Variants in LHFPL6 observed in about 807,000 individuals in gnomAD.
LHFPL6 encodes LHFPL tetraspan subfamily member 6 protein.
A neutral mutation model predicts 20.6 loss-of-function variants in LHFPL6; 9 were observed. That is an observed-to-expected ratio of 0.44 (90% CI 0.26 to 0.76). The LOEUF is 0.76. Among genes scored for constraint, LHFPL6 ranks in the 30% least tolerant of loss-of-function variants. LHFPL6 has a pLI of 0.20. For synonymous variants in LHFPL6, 105 were observed against 98.7 expected (o/e 1.06, Z -0.38); for missense variants, 218 against 253.5 (o/e 0.86, Z 0.95).
chr13:39,522,724 A>G (rs1023854569), intron 2 of LHFPL6, among the ~76,000 whole-genome samples: 1 of 152,236 alleles, frequency 6.6e-6, no homozygotes, highest in African/African-American at 2.4e-5. Flanking sequence ...AATGATCTGT[A>G]TATTTGTTTG....
At chr13:39,555,519 ATTT>A (rs1871279947) in intron 2 of LHFPL6, among the ~76,000 whole-genome samples, 1 of 152,174 alleles carries the variant, frequency 6.6e-6, no homozygotes, top group Non-Finnish European at 1.5e-5. Flanking sequence ...CTGGGTCACT[ATTT>A]CCTCATCTGT....
chr13:39,441,246 A>G (rs1872124022), intron 2 of LHFPL6, among the ~76,000 whole-genome samples: 1 of 145,294 alleles, frequency 6.9e-6, no homozygotes, highest in Non-Finnish European at 1.5e-5. Flanking sequence ...TCTCCCTCCC[A>G]AAGTGTTGGT....
intron 2 of LHFPL6, among the ~76,000 whole-genome samples, chr13:39,510,390 G>A (rs1455946533): frequency 6.6e-6 from 1 of 152,230 alleles, no homozygotes; most frequent in Non-Finnish European, 1.5e-5. Context: ...GCAAACTGAG[G>A]TGGCGATGTC....
chr13:39,580,275 A>C (rs1872240498), intron 2 of LHFPL6, among the ~76,000 whole-genome samples: 1 of 152,162 alleles, frequency 6.6e-6, no homozygotes, highest in Non-Finnish European at 1.5e-5. Flanking sequence ...TTATGTGGTG[A>C]CAGGTGTTAA....
chr13:39,571,594 T>C (rs180880595), intron 2 of LHFPL6, among the ~76,000 whole-genome samples: 12 of 152,364 alleles, frequency 7.9e-5, no homozygotes, highest in Admixed American at 3.3e-4. Flanking sequence ...TCATTCTTCC[T>C]GGATGCCGGA....
At chr13:39,487,067 A>G (rs1009310444) in intron 2 of LHFPL6, among the ~76,000 whole-genome samples, 1 of 152,220 alleles carries the variant, frequency 6.6e-6, no homozygotes, top group Admixed American at 6.5e-5. Context: ...ACTCACTGAT[A>G]AATGAAATGT....
intron 2 of LHFPL6, among the ~76,000 whole-genome samples, chr13:39,474,220 A>T (rs1873022529): frequency 1.3e-5 from 2 of 152,244 alleles, no homozygotes. Flanking sequence ...ATGTTTAAGC[A>T]ATATCACTTT....
intron 2 of LHFPL6, among the ~76,000 whole-genome samples, chr13:39,435,022 G>C (rs1451421310): frequency 8.2e-6 from 1 of 122,376 alleles, no homozygotes; most frequent in Non-Finnish European, 1.6e-5. Flanking sequence ...CGCCACTGCA[G>C]TCCGCAGTCC....
At chr13:39,535,245 A>G (rs534663407) in intron 2 of LHFPL6, among the ~76,000 whole-genome samples, 144 of 152,376 alleles carry the variant, frequency 9.5e-4, no homozygotes, top group Non-Finnish European at 1.4e-3. Context: ...ACCTGAAGGT[A>G]GGACTTTAAC....
chr13:39,537,994 T>A (rs1593354385), intron 2 of LHFPL6, among the ~76,000 whole-genome samples: 1 of 5,270 alleles, frequency 1.9e-4, no homozygotes, highest in Admixed American at 2.6e-3. Flanking sequence ...CTTTCTTTCT[T>A]TTTTTTTTTT....
intron 2 of LHFPL6, among the ~76,000 whole-genome samples, chr13:39,571,058 A>G (rs1314408874): frequency 6.6e-6 from 1 of 152,230 alleles, no homozygotes; most frequent in African/African-American, 2.4e-5. Context: ...ATTTTAGGCA[A>G]GCTTATTCTT....
intron 2 of LHFPL6, among the ~76,000 whole-genome samples, chr13:39,467,915 G>A (rs78131378): frequency 0.022 from 3,405 of 152,178 alleles, 129 homozygotes; most frequent in African/African-American, 0.077. Flanking sequence ...TCACTTTCCC[G>A]TGATTTTTCC....
At chr13:39,469,477 TG>T (rs1393538446) in intron 2 of LHFPL6, among the ~76,000 whole-genome samples, 1 of 152,202 alleles carries the variant, frequency 6.6e-6, no homozygotes, top group Non-Finnish European at 1.5e-5. Flanking sequence ...GCAGCTCCCC[TG>T]ATGCTTTACA....
intron 2 of LHFPL6, among the ~76,000 whole-genome samples, chr13:39,562,433 T>TATATATAC (rs1566142017): frequency 9.7e-4 from 84 of 86,300 alleles, no homozygotes; most frequent in African/African-American, 2.3e-3. Context: ...CATATATACA[T>TATATATAC]ATATACATAT....
chr13:39,590,672 C>T (rs760434832), intron 2 of LHFPL6, among the ~76,000 whole-genome samples: 7 of 152,054 alleles, frequency 4.6e-5, no homozygotes, highest in Non-Finnish European at 7.4e-5. Context: ...ATGCATCTCA[C>T]GATATTTACA....
chr13:39,593,887 T>C (rs1199412731), intron 2 of LHFPL6, among the ~76,000 whole-genome samples: 4 of 152,224 alleles, frequency 2.6e-5, no homozygotes, highest in Non-Finnish European at 5.9e-5. Flanking sequence ...ATTTAATAAA[T>C]GGTGCTAGGA....
intron 3 of LHFPL6, among the ~76,000 whole-genome samples, chr13:39,358,143 C>T (rs1025807373): frequency 7.9e-5 from 12 of 152,106 alleles, no homozygotes; most frequent in East Asian, 3.9e-4. Context: ...CTGACTTCAA[C>T]TATACAACAA....
At chr13:39,525,044 T>C (rs1263610678) in intron 2 of LHFPL6, among the ~76,000 whole-genome samples, 1 of 152,174 alleles carries the variant, frequency 6.6e-6, no homozygotes, top group Non-Finnish European at 1.5e-5. Context: ...AGAGAACATG[T>C]CTGGCAGAAA....
At chr13:39,511,285 A>G (rs1251108892) in intron 2 of LHFPL6, among the ~76,000 whole-genome samples, 1 of 152,194 alleles carries the variant, frequency 6.6e-6, no homozygotes, top group Admixed American at 6.5e-5. Context: ...ACATTTTGTC[A>G]AATTTGTTTA....
Sources: allele counts gnomAD v4.1 joint callset (sites outside exome capture counted in the v4.1 genomes callset), GRCh38; gene constraint gnomAD v4.1.1; transcripts MANE v1.5; gene names NCBI Gene and HGNC (gene_info 2026-07-23, HGNC 2026-07-21).